The following OTUD7A variants were observed in gnomAD, a reference collection of about 807,000 sequenced individuals.
The protein encoded by OTUD7A is OTU deubiquitinase 7A, also known as OTU domain-containing protein 7A.
In OTUD7A, 12 loss-of-function variants were observed where a neutral mutation model predicts 65.7. The observed-to-expected ratio is 0.18, with a 90% confidence interval of 0.12 to 0.30. The LOEUF is 0.30. Ranked by LOEUF, OTUD7A falls within the 10% of genes least tolerant of loss-of-function variation. The pLI is 1.00. For synonymous variants in OTUD7A, 641 were observed against 586.3 expected (o/e 1.09, Z -1.35); for missense variants, 1,148 against 1,304.8 (o/e 0.88, Z 1.85).
intron 1 of OTUD7A, among the ~76,000 whole-genome samples, chr15:31,745,221 C>T (rs1304739749): frequency 6.6e-6 from 1 of 151,814 alleles, no homozygotes; most frequent in African/African-American, 2.4e-5. Context: ...AATAAAAATA[C>T]AATTGATCTA....
At chr15:31,490,878 AG>A (rs1042931135) in intron 10 of OTUD7A, among the ~76,000 whole-genome samples, 15 of 152,192 alleles carry the variant, frequency 9.9e-5, no homozygotes, top group African/African-American at 3.6e-4. Flanking sequence ...GGGTGCACTA[AG>A]GGTCATCTTC....
rs1016020083 is a variant in OTUD7A, at chr15:31,477,981, G to C, written c.*5313C>G. 2 of 152,308 alleles carry C rather than the reference G, an allele frequency of 1.3e-5. No homozygotes were observed. The highest frequency in any genetic ancestry group is 2.9e-5 in the Non-Finnish European group (2 of 68,122). 9.4% of individuals were successfully genotyped at this position (152,308 alleles called of 1,614,324 possible). A position where few individuals can be genotyped will look rare whatever the true frequency, so the allele number is the denominator to read the frequency against. On this transcript the variant is annotated 3_prime_UTR_variant, in exon 13 of 13. Transcript: ENST00000307050. ...TGGAGCAAAGACTGGCAGGTAGTGA[G>C]GGGTGAACCATGTGGCTCTCTGGGG...
chr15:31,831,326 C>T (rs181631636), intron 1 of OTUD7A, among the ~76,000 whole-genome samples: 247 of 152,132 alleles, frequency 1.6e-3, no homozygotes, highest in Non-Finnish European at 3.0e-3. Flanking sequence ...TTTTACTTCC[C>T]CAAAAAACTA....
chr15:31,577,748 C>A (rs769788197), intron 3 of OTUD7A, among the ~76,000 whole-genome samples: 42 of 150,996 alleles, frequency 2.8e-4, no homozygotes, highest in Non-Finnish European at 7.4e-5. Context: ...ATCAACAATA[C>A]TATGTTCCTA....
intron 3 of OTUD7A, among the ~76,000 whole-genome samples, chr15:31,610,767 G>A (rs373140084): frequency 0.017 from 2,612 of 150,740 alleles, 33 homozygotes; most frequent in Non-Finnish European, 0.025. Flanking sequence ...GACTACAGGC[G>A]CCCGCCACCA....
chr15:31,574,002 A>C (rs1889129830), intron 3 of OTUD7A, among the ~76,000 whole-genome samples: 1 of 152,192 alleles, frequency 6.6e-6, no homozygotes, highest in Non-Finnish European at 1.5e-5. Flanking sequence ...GAACAGACAA[A>C]AGATATACTA....
At chr15:31,555,115 C>G (rs1428039814) in intron 5 of OTUD7A, among the ~76,000 whole-genome samples, 1 of 152,094 alleles carries the variant, frequency 6.6e-6, no homozygotes, top group East Asian at 1.9e-4. Flanking sequence ...CACGCAGGGC[C>G]CCAGGAGAGT....
At chr15:31,736,045 C>T (rs1894182823) in intron 1 of OTUD7A, among the ~76,000 whole-genome samples, 2 of 152,110 alleles carry the variant, frequency 1.3e-5, no homozygotes, top group Non-Finnish European at 2.9e-5. Flanking sequence ...GAACAACACA[C>T]ACTGGGGCCT....
At chr15:31,764,464 G>C (rs1471587464) in intron 1 of OTUD7A, among the ~76,000 whole-genome samples, 7 of 152,054 alleles carry the variant, frequency 4.6e-5, no homozygotes, top group Non-Finnish European at 7.4e-5. Context: ...TTAAGGAATA[G>C]ATATGAAACA....
intron 1 of OTUD7A, among the ~76,000 whole-genome samples, chr15:31,847,166 C>CA (rs916030371): frequency 9.9e-5 from 15 of 152,214 alleles, no homozygotes; most frequent in Non-Finnish European, 2.2e-4. Flanking sequence ...GATGGGGCTG[C>CA]AGTGGACCCT....
chr15:31,809,176 TC>T (rs1189979133), intron 1 of OTUD7A, among the ~76,000 whole-genome samples: 12 of 152,216 alleles, frequency 7.9e-5, no homozygotes, highest in African/African-American at 2.9e-4. Flanking sequence ...TCGATTTGCA[TC>T]CCTGGTGCTA....
At chr15:31,782,314 A>G (rs531844027) in intron 1 of OTUD7A, among the ~76,000 whole-genome samples, 139 of 152,336 alleles carry the variant, frequency 9.1e-4, no homozygotes, top group African/African-American at 3.2e-3. Flanking sequence ...TCTAAACTGG[A>G]CCCAAAGGAA....
intron 3 of OTUD7A, among the ~76,000 whole-genome samples, chr15:31,585,462 T>A (rs1320291771): frequency 1.3e-5 from 2 of 152,166 alleles, no homozygotes; most frequent in Admixed American, 6.5e-5. Context: ...TGCCTGTGAG[T>A]CATGCTGCAC....
Position 31,657,041 on chromosome 15 carries a change from C to A in OTUD7A, c.-63G>T, listed in dbSNP as rs571594689. 3.9e-5 allele frequency: 6 copies of A among 152,800 alleles called. No homozygotes were observed. Among genetic ancestry groups the A allele is most frequent in the African/African-American group, 1.4e-4 (6 of 41,592 alleles). The allele number at this position is 152,800 out of a possible 1,614,324, so 9.5% of individuals were successfully genotyped here. A position where few individuals can be genotyped will look rare whatever the true frequency, so the allele number is the denominator to read the frequency against. On this transcript the variant is annotated 5_prime_UTR_variant, in exon 2 of 13. Coordinates refer to ENST00000307050, the MANE Select transcript of OTUD7A (RefSeq NM_001382637.1). The stretch of plus-strand genomic sequence containing the variant: ...TCTTCCTTCTCTCCATGCACTGGGG[C>A]CTCGGCCGGGAGAGTCTCTTCTTTC...
rs1480767382 is a variant in OTUD7A, at chr15:31,482,765, C to G, written c.*529G>C. The G allele has an allele frequency of 6.6e-6, 1 of 152,160 alleles. No individual in the cohort carries two copies. Among genetic ancestry groups the G allele is most frequent in the African/African-American group, 2.4e-5 (1 of 41,422 alleles). 9.4% of individuals were successfully genotyped at this position (152,160 alleles called of 1,614,324 possible). ...GACCACCAGGGCGTCAGCTGGCGGC[C>G]AGGTACCCGCCTTCTCCTAGGCCTC... On this transcript the variant is annotated 3_prime_UTR_variant, in exon 13 of 13. Transcript: ENST00000307050.
At chr15:31,499,711 C>T (rs772499578) in intron 10 of OTUD7A, among the ~76,000 whole-genome samples, 49 of 152,222 alleles carry the variant, frequency 3.2e-4, no homozygotes, top group African/African-American at 1.1e-3. Context: ...AGCCTGGCCA[C>T]AGGATGGTCT....
intron 1 of OTUD7A, among the ~76,000 whole-genome samples, chr15:31,817,131 C>T (rs1896569505): frequency 6.6e-6 from 1 of 152,070 alleles, no homozygotes; most frequent in Non-Finnish European, 1.5e-5. Context: ...AGCACCGTTT[C>T]CCTGGGTCCT....
At chr15:31,546,429 T>C (rs1256160540) in intron 5 of OTUD7A, among the ~76,000 whole-genome samples, 1 of 152,146 alleles carries the variant, frequency 6.6e-6, no homozygotes, top group African/African-American at 2.4e-5. Context: ...GTTATAAGGG[T>C]GGGGCCCTGA....
intron 1 of OTUD7A, among the ~76,000 whole-genome samples, chr15:31,781,216 C>A (rs538130324): frequency 2.0e-5 from 3 of 152,294 alleles, no homozygotes; most frequent in Admixed American, 6.5e-5. Flanking sequence ...GGTGATGCAG[C>A]CTCGTTCACT....
Sources: allele counts gnomAD v4.1 joint callset (sites outside exome capture counted in the v4.1 genomes callset), GRCh38; gene constraint gnomAD v4.1.1; transcripts MANE v1.5; gene names NCBI Gene and HGNC (gene_info 2026-07-23, HGNC 2026-07-21).